LHFPL6: variants seen among roughly 807,000 people sequenced by gnomAD.
The protein encoded by LHFPL6 is LHFPL tetraspan subfamily member 6 protein.
LHFPL6 carries 9 observed loss-of-function variants against 20.6 expected under a neutral mutation model. The observed-to-expected ratio is 0.44, with a 90% confidence interval of 0.26 to 0.76. The LOEUF (loss-of-function observed/expected upper bound fraction) is 0.76, where lower values mean the gene tolerates loss of function less well. Ranked by LOEUF, LHFPL6 falls within the 30% of genes least tolerant of loss-of-function variation. LHFPL6 has a pLI of 0.20. For missense variants in LHFPL6, 218 were observed against 253.5 expected (o/e 0.86, Z 0.95); for synonymous variants, 105 against 98.7 (o/e 1.06, Z -0.38).
chr13:39,475,901 T>C (rs1394850240), intron 2 of LHFPL6, among the ~76,000 whole-genome samples: 1 of 151,376 alleles, frequency 6.6e-6, no homozygotes, highest in African/African-American at 2.4e-5. Flanking sequence ...AAGGGCGGAG[T>C]GTCTCCCTAT....
chr13:39,577,542 G>C (rs1297410831), intron 2 of LHFPL6, among the ~76,000 whole-genome samples: 2 of 152,104 alleles, frequency 1.3e-5, no homozygotes, highest in Admixed American at 6.6e-5. Flanking sequence ...AGATGTATTT[G>C]GATCATCTAT....
At chr13:39,416,700 A>T (rs532453625) in intron 2 of LHFPL6, among the ~76,000 whole-genome samples, 3 of 152,260 alleles carry the variant, frequency 2.0e-5, no homozygotes, top group African/African-American at 7.2e-5. Context: ...TTGTGTGAAC[A>T]TAAATCAAAT....
chr13:39,548,329 A>G (rs1871041596), intron 2 of LHFPL6, among the ~76,000 whole-genome samples: 1 of 152,116 alleles, frequency 6.6e-6, no homozygotes, highest in South Asian at 2.1e-4. Flanking sequence ...TGGCAAGGTG[A>G]AAGAAAATCT....
chr13:39,394,234 C>G (rs553369185), intron 2 of LHFPL6, among the ~76,000 whole-genome samples: 2 of 152,144 alleles, frequency 1.3e-5, no homozygotes, highest in African/African-American at 2.4e-5. Flanking sequence ...ACCACTGCAC[C>G]GAGCCCCAAA....
At position 39,532,977 on chromosome 13, in the gene LHFPL6, T is replaced by C. The variant is rs377323881; in HGVS notation, c.385+67855A>G. 7.2e-4 allele frequency among the ~76,000 whole-genome samples: 109 copies of C among 152,338 alleles called. 4 individuals are homozygous for C. In the South Asian group the frequency reaches 0.023, roughly 32 times the overall value. ...TTTTTTGGAAGAATTCCCATTAATA[T>C]ATGTTTTCTGAAAAGCACTTTGGAA... On this transcript the variant is annotated intron_variant, in intron 2 of 3. Transcript: ENST00000379589.
At chr13:39,523,295 C>T (rs193230481) in intron 2 of LHFPL6, among the ~76,000 whole-genome samples, 5 of 152,244 alleles carry the variant, frequency 3.3e-5, no homozygotes, top group Middle Eastern at 3.4e-3. Context: ...GCAGGCCAGG[C>T]GCGGTGGCTC....
At chr13:39,389,140 G>T (rs1475325792) in intron 2 of LHFPL6, among the ~76,000 whole-genome samples, 1 of 152,150 alleles carries the variant, frequency 6.6e-6, no homozygotes, top group Non-Finnish European at 1.5e-5. Flanking sequence ...GACAACGATG[G>T]AACCAAGTTG....
intron 3 of LHFPL6, among the ~76,000 whole-genome samples, chr13:39,346,068 G>A (rs1869392742): frequency 6.6e-6 from 1 of 152,176 alleles, no homozygotes; most frequent in African/African-American, 2.4e-5. Flanking sequence ...CTTCCCTGCT[G>A]AAAATTTCCA....
chr13:39,364,146 C>T (rs1170214696), intron 3 of LHFPL6, among the ~76,000 whole-genome samples: 2 of 152,080 alleles, frequency 1.3e-5, no homozygotes, highest in Non-Finnish European at 2.9e-5. Context: ...GAAATGAGAT[C>T]GTTAGAAAAC....
At chr13:39,552,145 T>C (rs1191238422) in intron 2 of LHFPL6, among the ~76,000 whole-genome samples, 1 of 152,214 alleles carries the variant, frequency 6.6e-6, no homozygotes, top group Non-Finnish European at 1.5e-5. Flanking sequence ...GATCAGAAAT[T>C]GTATGTGATT....
intron 2 of LHFPL6, among the ~76,000 whole-genome samples, chr13:39,461,917 A>C (rs1472400947): frequency 2.6e-5 from 4 of 152,030 alleles, no homozygotes; most frequent in Non-Finnish European, 5.9e-5. Context: ...TGAATTCTTT[A>C]GGGTTAGAAA....
chr13:39,525,182 T>C (rs1454618758), intron 2 of LHFPL6, among the ~76,000 whole-genome samples: 2 of 152,210 alleles, frequency 1.3e-5, no homozygotes, highest in Admixed American at 1.3e-4. Context: ...AATTGCTTTC[T>C]TTCCAATCTC....
chr13:39,422,602 A>AGAAG lies in LHFPL6; in HGVS notation c.386-44077_386-44076insCTTC, dbSNP rs1555261775. On this transcript the variant is annotated intron_variant, in intron 2 of 3. Transcript: ENST00000379589. The stretch of plus-strand genomic sequence containing the variant: ...ACTCCAACTCAAAAAAAAAAAAAAA[A>AGAAG]AAGAAGAAGAAGAAGAAGAAAACAC... 2.4e-4 allele frequency among the ~76,000 whole-genome samples: 27 copies of AGAAG among 114,340 alleles called. 1 individual carries two copies. The highest frequency in any genetic ancestry group is 4.8e-3 in the Middle Eastern group (1 of 208). The allele number at this position is 114,340 out of a possible 152,430, so 75.0% of individuals were successfully genotyped here.
At chr13:39,479,011 A>G (rs548765894) in intron 2 of LHFPL6, among the ~76,000 whole-genome samples, 2 of 150,654 alleles carry the variant, frequency 1.3e-5, no homozygotes, top group Admixed American at 6.6e-5. Flanking sequence ...ATTATATATA[A>G]TGAAGCACCA....
At chr13:39,423,295 G>A (rs1305992012) in intron 2 of LHFPL6, among the ~76,000 whole-genome samples, 2 of 152,176 alleles carry the variant, frequency 1.3e-5, no homozygotes, top group East Asian at 3.8e-4. Context: ...TGCTTCAGGA[G>A]TATTTGAAGC....
intron 2 of LHFPL6, among the ~76,000 whole-genome samples, chr13:39,560,574 GCGCGATCTC>G (rs892648270): frequency 9.8e-4 from 146 of 149,126 alleles, no homozygotes; most frequent in African/African-American, 3.5e-3. Context: ...GAGTGCAGTG[GCGCGATCTC>G]GGCTCACTGC....
chr13:39,539,582 G>T (rs78019938), intron 2 of LHFPL6, among the ~76,000 whole-genome samples: 4 of 152,304 alleles, frequency 2.6e-5, no homozygotes, highest in Admixed American at 2.6e-4. Context: ...GCACATGCAC[G>T]TGACTGGGAG....
intron 2 of LHFPL6, among the ~76,000 whole-genome samples, chr13:39,401,821 G>C (rs1870997896): frequency 6.6e-6 from 1 of 152,186 alleles, no homozygotes; most frequent in African/African-American, 2.4e-5. Flanking sequence ...CTGCTCCCCA[G>C]TAATGCCCTT....
At chr13:39,501,322 T>C (rs1869287263) in intron 2 of LHFPL6, among the ~76,000 whole-genome samples, 1 of 152,184 alleles carries the variant, frequency 6.6e-6, no homozygotes, top group Non-Finnish European at 1.5e-5. Flanking sequence ...CGCTATCCTT[T>C]CTCGTATCTT....
Sources: allele counts gnomAD v4.1 joint callset (sites outside exome capture counted in the v4.1 genomes callset), GRCh38; gene constraint gnomAD v4.1.1; transcripts MANE v1.5; gene names NCBI Gene and HGNC (gene_info 2026-07-23, HGNC 2026-07-21).